The following C12orf56 variants were observed in gnomAD, a reference collection of about 807,000 sequenced individuals.
C12orf56 encodes the protein chromosome 12 open reading frame 56, also known as uncharacterized protein C12orf56.
Under a neutral mutation model 69.9 loss-of-function variants are expected in C12orf56, and 71 were observed. That is an observed-to-expected ratio of 1.02 (90% confidence interval 0.84 to 1.24). The LOEUF is 1.24. Among genes scored for constraint, C12orf56 ranks in the 50% most tolerant of loss-of-function variants. The pLI is 0.00. For missense variants in C12orf56, 732 were observed against 738.5 expected, an observed-to-expected ratio of 0.99 and a Z score of 0.10; for synonymous variants, 276 against 274.1, an observed-to-expected ratio of 1.01 and a Z score of -0.07.
At chr12:64,301,399 G>A (rs185518616) in intron 6 of C12orf56, among the ~76,000 whole-genome samples, 7 of 152,118 alleles carry the variant, frequency 4.6e-5, no homozygotes, top group Admixed American at 2.0e-4. Flanking sequence ...TCCTCAGGCC[G>A]CCACAAACAA....
intron 1 of C12orf56, among the ~76,000 whole-genome samples, chr12:64,361,737 CTT>C (rs879816279): frequency 6.8e-6 from 1 of 146,534 alleles, no homozygotes; most frequent in Non-Finnish European, 1.5e-5. Context: ...TCTTCCTTTA[CTT>C]TTTTTTTTTT....
intron 6 of C12orf56, among the ~76,000 whole-genome samples, chr12:64,301,774 G>A (rs767086917): frequency 3.9e-5 from 6 of 152,040 alleles, no homozygotes; most frequent in Non-Finnish European, 7.4e-5. Context: ...CCCTTGGTTT[G>A]GTCCAGGAAC....
intron 2 of C12orf56, among the ~76,000 whole-genome samples, chr12:64,340,824 A>G (rs1373300443): frequency 1.3e-5 from 2 of 152,130 alleles, no homozygotes; most frequent in African/African-American, 4.8e-5. Context: ...TTCAGCAAGC[A>G]CCTCAGCAGG....
intron 12 of C12orf56, 80 bp downstream of exon 12, chr12:64,270,456 T>C (rs1349367946): frequency 1.7e-6 from 2 of 1,155,852 alleles, no homozygotes; most frequent in Non-Finnish European, 2.4e-6. Flanking sequence ...CTTCTAAATA[T>C]TGGACCATGT....
intron 1 of C12orf56, among the ~76,000 whole-genome samples, chr12:64,381,809 T>C (rs2039722329): frequency 6.6e-6 from 1 of 151,878 alleles, no homozygotes; most frequent in African/African-American, 2.4e-5. Flanking sequence ...AACTGACGAG[T>C]TGGATCTGGC....
chr12:64,284,670 G>A lies in C12orf56; in HGVS notation c.1304C>T (p.Ala435Val). 6.2e-7 allele frequency: 1 copy of A among 1,607,728 alleles called. No individual in the cohort carries two copies. The highest frequency in any genetic ancestry group is 8.5e-7 in the Non-Finnish European group (1 of 1,177,630). The change falls in exon 8 of 13, where the codon GCT (alanine) becomes GTT (valine). Residue 435 changes from alanine (A) to valine (V), a missense_variant. Physicochemically the swap from Ala to Val is moderately conservative, Grantham distance 64. Coordinates refer to ENST00000543942, the MANE Select transcript of C12orf56 (RefSeq NM_001170633.2). ...TESSRLNTLA[A>V]KKGALFNLLV... ...GTCTTCTAAAAGACCTTACTTCTTA[G>A]CTGCCAATGTGTTCAGGCGTGATGA... is the stretch of plus-strand genomic sequence containing the variant.
intron 4 of C12orf56, among the ~76,000 whole-genome samples, chr12:64,317,462 TA>T (rs1382241720): frequency 6.6e-6 from 1 of 152,102 alleles, no homozygotes; most frequent in Non-Finnish European, 1.5e-5. Context: ...GTAAATCACT[TA>T]AAAATTTTGT....
At chr12:64,385,281 G>A (rs1488474135) in intron 1 of C12orf56, among the ~76,000 whole-genome samples, 1 of 152,158 alleles carries the variant, frequency 6.6e-6, no homozygotes, top group Non-Finnish European at 1.5e-5. Context: ...TTGCTGGAAG[G>A]GAAATCTCAC....
chr12:64,310,591 A>G (rs967862069), intron 5 of C12orf56, among the ~76,000 whole-genome samples: 1 of 151,880 alleles, frequency 6.6e-6, no homozygotes, highest in African/African-American at 2.4e-5. Flanking sequence ...CTAATGTTAC[A>G]TGTGTTTTAT....
At chr12:64,280,106 C>T (rs979773628) in intron 8 of C12orf56, among the ~76,000 whole-genome samples, 1 of 152,104 alleles carries the variant, frequency 6.6e-6, no homozygotes, top group African/African-American at 2.4e-5. Flanking sequence ...GAAATCTCCA[C>T]TCATGAAAAC....
intron 3 of C12orf56, among the ~76,000 whole-genome samples, chr12:64,326,399 C>T (rs1490733193): frequency 6.6e-6 from 1 of 152,162 alleles, no homozygotes; most frequent in Non-Finnish European, 1.5e-5. Flanking sequence ...ATGGAAATCC[C>T]ACCAAAGGAA....
At chr12:64,287,066 G>A (rs1045340877) in intron 6 of C12orf56, among the ~76,000 whole-genome samples, 2 of 151,774 alleles carry the variant, frequency 1.3e-5, no homozygotes, top group Non-Finnish European at 2.9e-5. Flanking sequence ...GCAAAACCCC[G>A]TCTCTACTAA....
intron 3 of C12orf56, among the ~76,000 whole-genome samples, chr12:64,320,109 T>C (rs2038751938): frequency 2.6e-5 from 4 of 152,328 alleles, no homozygotes; most frequent in African/African-American, 9.6e-5. Context: ...CCTGCACAGC[T>C]AAGTGCCCGG....
At chr12:64,315,740 T>C (rs1290618471) in intron 4 of C12orf56, among the ~76,000 whole-genome samples, 2 of 152,182 alleles carry the variant, frequency 1.3e-5, no homozygotes, top group African/African-American at 2.4e-5. Flanking sequence ...AAGACCAGCC[T>C]GGCCAACATG....
chr12:64,352,822 A>G, intron 2 of C12orf56, 72 bp downstream of exon 2: 2 of 1,323,636 alleles, frequency 1.5e-6, no homozygotes, highest in Non-Finnish European at 2.0e-6. Flanking sequence ...AATATCCTGC[A>G]TCAATTTTAA....
intron 3 of C12orf56, among the ~76,000 whole-genome samples, chr12:64,330,066 G>T (rs1481984531): frequency 3.3e-5 from 5 of 152,032 alleles, no homozygotes; most frequent in Non-Finnish European, 7.4e-5. Flanking sequence ...TGGGTCAAAT[G>T]GTATTTCCAG....
In C12orf56 at chr12:64,308,415, A is replaced by G. The variant is rs56036417; in HGVS notation, c.968+4264T>C. ...TTTGTTAAAATCAAGACTAAATAAG[A>G]TATTTCTTATATTTGCTTGTTATGT... is the stretch of plus-strand genomic sequence containing the variant. On this transcript the variant is annotated intron_variant, in intron 5 of 12. Transcript: ENST00000543942. Among the ~76,000 whole-genome samples, 715 of 152,288 alleles carry G rather than the reference A, an allele frequency of 4.7e-3. 6 individuals are homozygous for G. Among genetic ancestry groups the G allele is most frequent in the Non-Finnish European group, 6.9e-3 (470 of 68,024 alleles).
chr12:64,331,250 C>T (rs968741215), intron 2 of C12orf56, among the ~76,000 whole-genome samples: 1 of 152,086 alleles, frequency 6.6e-6, no homozygotes, highest in African/African-American at 2.4e-5. Context: ...CCTGTAATCC[C>T]AACATTTTAG....
At chr12:64,331,132 T>G in intron 2 of C12orf56, 100 bp from the exon 3 acceptor site, 1 of 1,065,592 alleles carries the variant, frequency 9.4e-7, no homozygotes, top group Non-Finnish European at 1.3e-6. Flanking sequence ...TGTTCATAAA[T>G]CCTCACAAAA....
Sources: allele counts gnomAD v4.1 joint callset (sites outside exome capture counted in the v4.1 genomes callset), GRCh38; gene constraint gnomAD v4.1.1; transcripts MANE v1.5; gene names NCBI Gene and HGNC (gene_info 2026-07-23, HGNC 2026-07-21).